Variants in KIRREL3 observed in about 807,000 individuals in gnomAD.
KIRREL3 encodes kin of IRRE-like protein 3.
A neutral mutation model predicts 89.7 loss-of-function variants in KIRREL3; 36 were observed. The ratio of observed to expected loss-of-function variants is 0.40; its 90% confidence interval spans 0.31 to 0.53. The LOEUF (loss-of-function observed/expected upper bound fraction) is 0.53. Ranked by LOEUF, KIRREL3 falls within the 20% of genes least tolerant of loss-of-function variation. The pLI is 0.49. For synonymous variants in KIRREL3, 445 were observed against 441.4 expected (o/e 1.01, Z -0.10); for missense variants, 864 against 1,056.6 (o/e 0.82, Z 2.53).
rs917829483 is a variant in KIRREL3, at chr11:126,552,517, G to A, written c.133+10318C>T. ...CACTTGTAGTTGCAGCCCTGGTCCC[G>A]GGATCACTGCATCACACAGGGGAGA... On this transcript the variant is annotated intron_variant, in intron 2 of 16. Transcript: ENST00000525144. Among the ~76,000 whole-genome samples, 7 of 149,102 alleles carry A rather than the reference G, an allele frequency of 4.7e-5. 1 individual carries two copies. Among genetic ancestry groups the A allele is most frequent in the African/African-American group, 9.8e-5 (4 of 40,692 alleles).
chr11:126,771,364 G>A lies in KIRREL3; in HGVS notation c.56-208452C>T, dbSNP rs1325900183. On this transcript the variant is annotated intron_variant, in intron 1 of 16. Coordinates refer to ENST00000525144, the MANE Select transcript of KIRREL3 (RefSeq NM_032531.4). The surrounding 1 kb of genome is among the most constrained non-coding windows in gnomAD (Gnocchi z 4.4). ...GAACTTTGAAATACCTGCTTACAGA[G>A]CCCATATTCCTTTCCACTCTACAAT... 6.6e-6 allele frequency among the ~76,000 whole-genome samples: 1 copy of A among 151,966 alleles called. No individual in the cohort carries two copies. The highest frequency in any genetic ancestry group is 1.5e-5 in the Non-Finnish European group (1 of 68,006).
At chr11:126,961,111 C>T (rs144365031) in intron 1 of KIRREL3, among the ~76,000 whole-genome samples, 1 of 152,256 alleles carries the variant, frequency 6.6e-6, no homozygotes, top group East Asian at 1.9e-4. Flanking sequence ...CCTCAAGCCT[C>T]CCTATTCCAT....
intron 1 of KIRREL3, among the ~76,000 whole-genome samples, chr11:126,760,910 G>A (rs1010394885): frequency 1.3e-5 from 2 of 152,198 alleles, no homozygotes; most frequent in Admixed American, 1.3e-4. Flanking sequence ...GCACATTTTA[G>A]GAATTACCAT....
chr11:126,799,719 T>G (rs891679028), intron 1 of KIRREL3, among the ~76,000 whole-genome samples: 1 of 151,984 alleles, frequency 6.6e-6, no homozygotes, highest in Non-Finnish European at 1.5e-5. Context: ...GGCAGAACCT[T>G]TTCTTCCTCC....
At chr11:126,649,736 T>C (rs1202797444) in intron 1 of KIRREL3, among the ~76,000 whole-genome samples, 3 of 152,098 alleles carry the variant, frequency 2.0e-5, no homozygotes, top group Non-Finnish European at 4.4e-5. Flanking sequence ...CTCTTCCAGG[T>C]GAACGGTGCA....
At position 126,424,816 on chromosome 11, in the gene KIRREL3, T is replaced by G; in HGVS notation, c.2101A>C (p.Ser701Arg). 1 of 1,614,054 alleles carries G rather than the reference T, an allele frequency of 6.2e-7. No homozygotes were observed. Among genetic ancestry groups the G allele is most frequent in the East Asian group, 2.2e-5 (1 of 44,882 alleles). ...CGCTCACAAAGCTCGATGGACGAGC[T>G]GCCCATGCCCAGCACAAACCGCTGC... ...YGQRFVLGMG[S>R]SSIELCEREF... The change falls in exon 17 of 17, where the codon AGC becomes CGC. Residue 701 changes from serine (S) to arginine (R), a missense_variant. Ser to Arg is a moderately radical substitution (Grantham distance 110). Coordinates refer to ENST00000525144, the MANE Select transcript of KIRREL3 (RefSeq NM_032531.4).
At chr11:126,700,928 G>A (rs1258833056) in intron 1 of KIRREL3, among the ~76,000 whole-genome samples, 3 of 152,032 alleles carry the variant, frequency 2.0e-5, no homozygotes, top group Non-Finnish European at 2.9e-5. Context: ...ACTTATATCC[G>A]GCCATGTAGA....
At position 126,778,822 on chromosome 11, in the gene KIRREL3, T is replaced by C. The variant is rs1272917796; in HGVS notation, c.56-215910A>G. ...TCCATTCCATTCAAGGACCCATTTA[T>C]ATAAGTCCAGCATGGAAAAACTGTC... On this transcript the variant is annotated intron_variant, in intron 1 of 16. Transcript: ENST00000525144. The surrounding 1 kb of genome is among the most constrained non-coding windows in gnomAD (Gnocchi z 4.5). Among the ~76,000 whole-genome samples, 1 of 152,252 alleles carries C rather than the reference T, an allele frequency of 6.6e-6. No individual in the cohort carries two copies. The highest frequency in any genetic ancestry group is 1.5e-5 in the Non-Finnish European group (1 of 68,050).
chr11:126,633,853 T>A (rs1158652953), intron 1 of KIRREL3, among the ~76,000 whole-genome samples: 1 of 152,246 alleles, frequency 6.6e-6, no homozygotes, highest in African/African-American at 2.4e-5. Context: ...TGGCAACGTA[T>A]CTACAGTGTA....
Position 126,655,601 on chromosome 11 carries a change from A to G in KIRREL3, c.56-92689T>C, listed in dbSNP as rs1321815487. ...TGGGGACTGGAACCACTTTGCAAAG[A>G]GCGCAGATCTGCAGTTTTCACAACG... On this transcript the variant is annotated intron_variant, in intron 1 of 16. Transcript: ENST00000525144. The surrounding 1 kb of genome is among the most constrained non-coding windows in gnomAD (Gnocchi z 5.0). Among the ~76,000 whole-genome samples, 1 of 152,150 alleles carries G rather than the reference A, an allele frequency of 6.6e-6. No homozygotes were observed. The highest frequency in any genetic ancestry group is 1.9e-4 in the East Asian group (1 of 5,188).
rs12285078 is a variant in KIRREL3 at position 126,531,931 on chromosome 11, A to G, written c.134-5244T>C. Among the ~76,000 whole-genome samples the G allele has an allele frequency of 0.017, 2,543 of 152,280 alleles. 73 individuals carry two copies. The highest frequency in any genetic ancestry group is 0.058 in the African/African-American group (2,421 of 41,538). On this transcript the variant is annotated intron_variant, in intron 2 of 16. Coordinates refer to ENST00000525144, the MANE Select transcript of KIRREL3 (RefSeq NM_032531.4). The surrounding 1 kb of genome is among the most constrained non-coding windows in gnomAD (Gnocchi z 4.7). ...TGCTGAGATCGGTGGTCACTACAGG[A>G]AAATTGCTTTTGCATTATGAACTAC... is the stretch of plus-strand genomic sequence containing the variant.
In KIRREL3 at chr11:126,715,672, C is replaced by T. The variant is rs1045120232; in HGVS notation, c.56-152760G>A. ...ACGTGAAACATACTAAAGAGAAGAG[C>T]AAAAATGAGATTAGAAATAAAAGAA... On this transcript the variant is annotated intron_variant, in intron 1 of 16. Transcript: ENST00000525144. This position sits in a 1 kb window ranked among gnomAD's most constrained non-coding sequence, Gnocchi z 4.4. 2.0e-5 allele frequency among the ~76,000 whole-genome samples: 3 copies of T among 151,854 alleles called. No homozygotes were observed. Among genetic ancestry groups the T allele is most frequent in the African/African-American group, 4.8e-5 (2 of 41,316 alleles).
rs1176320945 is a variant in KIRREL3, at chr11:126,441,521, G to C, written c.1253-972C>G. ...GCTGGGTGGTTGAAGGATGGGAGTAGGGACGGAAACTGTCATGCTCCCTTT... is the reference window on the plus strand; with the variant it reads ...GCTGGGTGGTTGAAGGATGGGAGTACGGACGGAAACTGTCATGCTCCCTTT... On this transcript the variant is annotated intron_variant, in intron 10 of 16. Transcript: ENST00000525144. The surrounding 1 kb of genome is among the most constrained non-coding windows in gnomAD (Gnocchi z 5.0). 6.6e-6 allele frequency among the ~76,000 whole-genome samples: 1 copy of C among 152,232 alleles called. No homozygotes were observed. The highest frequency in any genetic ancestry group is 1.5e-5 in the Non-Finnish European group (1 of 68,040).
chr11:126,925,761 G>A (rs1266688379), intron 1 of KIRREL3, among the ~76,000 whole-genome samples: 1 of 152,224 alleles, frequency 6.6e-6, no homozygotes, highest in African/African-American at 2.4e-5. Flanking sequence ...TCTGGCCACA[G>A]GTGCCAGGCA....
chr11:126,964,695 G>A (rs1949210544), intron 1 of KIRREL3, among the ~76,000 whole-genome samples: 1 of 152,142 alleles, frequency 6.6e-6, no homozygotes, highest in South Asian at 2.1e-4. Context: ...CAGAACGAAG[G>A]CAGCACAGAT....
chr11:126,444,914 G>A, intron 10 of KIRREL3, 65 bp downstream of exon 10: 3 of 1,600,936 alleles, frequency 1.9e-6, no homozygotes, highest in Non-Finnish European at 2.6e-6. Flanking sequence ...GCTATGCCTG[G>A]TGCCAAGATG....
At position 126,996,594 on chromosome 11, in the gene KIRREL3, C is replaced by T. The variant is rs1447044215; in HGVS notation, c.55+3861G>A. ...GGCTCCCTCTGTTCACTCTATTTTA[C>T]CCTTCTGTCTACGAGATGCCTTTCT... On this transcript the variant is annotated intron_variant, in intron 1 of 16. Transcript: ENST00000525144. This position sits in a 1 kb window ranked among gnomAD's most constrained non-coding sequence, Gnocchi z 4.7. Among the ~76,000 whole-genome samples, 1 of 152,164 alleles carries T rather than the reference C, an allele frequency of 6.6e-6. No homozygotes were observed. The highest frequency in any genetic ancestry group is 6.5e-5 in the Admixed American group (1 of 15,278).
In KIRREL3 at chr11:126,830,180, G is replaced by A. The variant is rs1943559997; in HGVS notation, c.55+170275C>T. ...AGTTGTTCATGAATGAACAACCCTT[G>A]CTAATCACTCTGGTCAATATTTATC... On this transcript the variant is annotated intron_variant, in intron 1 of 16. Transcript: ENST00000525144. The surrounding 1 kb of genome is among the most constrained non-coding windows in gnomAD (Gnocchi z 4.9). Among the ~76,000 whole-genome samples the A allele has an allele frequency of 6.6e-6, 1 of 152,156 alleles. No homozygotes were observed. Among genetic ancestry groups the A allele is most frequent in the South Asian group, 2.1e-4 (1 of 4,816 alleles).
Position 126,653,551 on chromosome 11 carries a change from A to G in KIRREL3, c.56-90639T>C, listed in dbSNP as rs1320638716. Among the ~76,000 whole-genome samples the G allele has an allele frequency of 1.3e-5, 2 of 152,226 alleles. No homozygotes were observed. The highest frequency in any genetic ancestry group is 2.9e-5 in the Non-Finnish European group (2 of 68,046). ...TATAAACACCAGATACGGAATGAGAAAAAAGCGGCACCGGAAGTGGCATTT... is the reference window on the plus strand; with the variant it reads ...TATAAACACCAGATACGGAATGAGAGAAAAGCGGCACCGGAAGTGGCATTT... On this transcript the variant is annotated intron_variant, in intron 1 of 16. Transcript: ENST00000525144. This position sits in a 1 kb window ranked among gnomAD's most constrained non-coding sequence, Gnocchi z 5.4.
Sources: allele counts gnomAD v4.1 joint callset (sites outside exome capture counted in the v4.1 genomes callset), GRCh38; gene constraint gnomAD v4.1.1; non-coding constraint Gnocchi (gnomAD v3.1); transcripts MANE v1.5; gene names NCBI Gene and HGNC (gene_info 2026-07-23, HGNC 2026-07-21).